The following FCRL4 variants were observed in gnomAD, a reference collection of about 807,000 sequenced individuals.
FCRL4 encodes Fc receptor-like protein 4.
Under a neutral mutation model 64.1 loss-of-function variants are expected in FCRL4, and 43 were observed. The observed-to-expected ratio is 0.67, with a 90% CI of 0.53 to 0.87. The LOEUF is 0.87. Ranked by LOEUF, FCRL4 falls within the 40% of genes least tolerant of loss-of-function variation. FCRL4 has a pLI of 0.00. For missense variants in FCRL4, 656 were observed against 613.5 expected, an observed-to-expected ratio of 1.07 and a Z score of -0.73; for synonymous variants, 253 against 239.8, an observed-to-expected ratio of 1.05 and a Z score of -0.51.
chr1:157,581,183 T>C (rs1417844917), intron 7 of FCRL4, among the ~76,000 whole-genome samples: 1 of 152,214 alleles, frequency 6.6e-6, no homozygotes, highest in Non-Finnish European at 1.5e-5. Context: ...TATGGTGGAT[T>C]TAGGATAGGC....
intron 10 of FCRL4, 113 bp downstream of exon 10, chr1:157,578,361 A>G: frequency 1.1e-6 from 1 of 872,892 alleles, no homozygotes; most frequent in East Asian, 2.5e-5. Context: ...TGCCTTGTTT[A>G]CTGATTGACT....
chr1:157,591,385 A>G (rs950371973), intron 2 of FCRL4, among the ~76,000 whole-genome samples: 1 of 152,218 alleles, frequency 6.6e-6, no homozygotes, highest in African/African-American at 2.4e-5. Flanking sequence ...CTTTAAACCT[A>G]ACATAGATAG....
chr1:157,575,367 G>A lies in FCRL4; in HGVS notation c.*157C>T, dbSNP rs1034911083. 1.3e-5 allele frequency: 8 copies of A among 632,436 alleles called. No individual in the cohort carries two copies. Among genetic ancestry groups the A allele is most frequent in the Non-Finnish European group, 2.0e-5 (7 of 353,146 alleles). 39.2% of individuals were successfully genotyped at this position (632,436 alleles called of 1,614,324 possible). A position where few individuals can be genotyped will look rare whatever the true frequency, so the allele number is the denominator to read the frequency against. The stretch of plus-strand genomic sequence containing the variant: ...ATTCCATCCCAACATCAGAGTAGAC[G>A]AATGAGTATTCCTGGGAGTGAATGC... On this transcript the variant is annotated 3_prime_UTR_variant, in exon 12 of 12. Transcript: ENST00000271532.
intron 1 of FCRL4, 146 bp downstream of exon 1, chr1:157,597,767 AG>A: frequency 3.4e-6 from 2 of 590,268 alleles, no homozygotes; most frequent in Non-Finnish European, 3.1e-6. Flanking sequence ...CCCTTCTACC[AG>A]TAAATCATTA....
At position 157,575,477 on chromosome 1, in the gene FCRL4, A is replaced by G. The variant is rs1043207065; in HGVS notation, c.*47T>C. ...CTGCACTGGGCCTGGGACTTTGGAC[A>G]AGGGAGAAATCACATGAGTAGGACG... On this transcript the variant is annotated 3_prime_UTR_variant, in exon 12 of 12. Coordinates refer to ENST00000271532, the MANE Select transcript of FCRL4 (RefSeq NM_031282.3). 3 of 1,456,010 alleles carry G rather than the reference A, an allele frequency of 2.1e-6. No individual in the cohort carries two copies. The African/African-American group carries it at 4.2e-5, about 20-fold the overall frequency. 90.2% of individuals were successfully genotyped at this position (1,456,010 alleles called of 1,614,324 possible). A position where few individuals can be genotyped will look rare whatever the true frequency, so the allele number is the denominator to read the frequency against.
At chr1:157,589,671 G>A (rs568482690) in intron 2 of FCRL4, among the ~76,000 whole-genome samples, 1 of 152,076 alleles carries the variant, frequency 6.6e-6, no homozygotes, top group African/African-American at 2.4e-5. Flanking sequence ...GCCTTTCAGA[G>A]GGGGGGCAGC....
chr1:157,585,414 C>CTT (rs1158806698), intron 6 of FCRL4, among the ~76,000 whole-genome samples: 1 of 114,390 alleles, frequency 8.7e-6, no homozygotes, highest in East Asian at 2.6e-4. Flanking sequence ...TTCTTTCTTT[C>CTT]TTTCTTTCCT....
chr1:157,586,306 C>A lies in FCRL4; in HGVS notation c.997G>T (p.Gly333Trp). The change falls in exon 6 of 12, where the codon GGG (glycine) becomes TGG (tryptophan). Residue 333 changes from glycine (G) to tryptophan (W), a missense_variant. Transcript: ENST00000271532. The part of the protein sequence containing the change: ...WHREDMQESL[G>W]RKTQRSLRAE... ...CTCAGGGAACGCTGAGTTTTCCTCC[C>A]CAGACTCTCCTGCATGTCCTCTCGG... 1 of 1,613,890 alleles carries A rather than the reference C, an allele frequency of 6.2e-7. No homozygotes were observed. Among genetic ancestry groups the A allele is most frequent in the Non-Finnish European group, 8.5e-7 (1 of 1,179,964 alleles).
At chr1:157,577,761 G>A (rs138960018) in intron 10 of FCRL4, among the ~76,000 whole-genome samples, 61 of 152,300 alleles carry the variant, frequency 4.0e-4, no homozygotes, top group African/African-American at 1.5e-3. Flanking sequence ...AGGCATATTT[G>A]TAAGATGAAA....
intron 3 of FCRL4, among the ~76,000 whole-genome samples, chr1:157,588,322 A>G (rs906094935): frequency 3.9e-5 from 6 of 152,220 alleles, no homozygotes; most frequent in Admixed American, 1.3e-4. Context: ...CTATTTTATC[A>G]TTCAAAGTCA....
At chr1:157,588,743 T>C (rs1253973726) in intron 3 of FCRL4, among the ~76,000 whole-genome samples, 1 of 152,196 alleles carries the variant, frequency 6.6e-6, no homozygotes, top group Admixed American at 6.5e-5. Context: ...GGAGGAGCTG[T>C]GGGAGCTTGA....
In FCRL4 at chr1:157,575,740, G is replaced by A; in HGVS notation, c.1430-10C>T. On this transcript the variant is annotated splice_polypyrimidine_tract_variant and intron_variant, in intron 10 of 11. Transcript: ENST00000271532. ...GTCCTGGAGGTATTAGCTGTGGACA[G>A]AAAGAGAATCACTGGACTATGGGCA... 2 of 1,613,518 alleles carry A rather than the reference G, an allele frequency of 1.2e-6. No individual in the cohort carries two copies. The highest frequency in any genetic ancestry group is 1.7e-6 in the Non-Finnish European group (2 of 1,179,574).
intron 2 of FCRL4, among the ~76,000 whole-genome samples, chr1:157,595,042 G>C (rs1422329790): frequency 6.6e-6 from 1 of 152,114 alleles, no homozygotes; most frequent in Non-Finnish European, 1.5e-5. Context: ...GGGATTACAG[G>C]CATGTGCCAC....
chr1:157,579,182 A>G (rs1464384321), intron 8 of FCRL4, among the ~76,000 whole-genome samples: 1 of 152,224 alleles, frequency 6.6e-6, no homozygotes, highest in Non-Finnish European at 1.5e-5. Flanking sequence ...AGCCTGGGCA[A>G]CATAGTGAGA....
intron 3 of FCRL4, 138 bp downstream of exon 3, chr1:157,589,066 G>T: frequency 3.1e-6 from 3 of 953,004 alleles, no homozygotes; most frequent in Non-Finnish European, 4.7e-6. Flanking sequence ...TGTAGACATT[G>T]GAGGGAAAAT....
At chr1:157,582,904 C>A (rs572464703) in intron 6 of FCRL4, among the ~76,000 whole-genome samples, 50 of 152,282 alleles carry the variant, frequency 3.3e-4, no homozygotes, top group Admixed American at 8.5e-4. Flanking sequence ...CTGGGGCATC[C>A]GCCGGTGCAA....
chr1:157,586,598 AG>A, intron 5 of FCRL4, 143 bp from the exon 6 acceptor site: 1 of 681,792 alleles, frequency 1.5e-6, no homozygotes, highest in Non-Finnish European at 2.5e-6. Flanking sequence ...AATAGACCAC[AG>A]ATTTAGCGCT....
chr1:157,580,440 A>G (rs1258241843), intron 7 of FCRL4, 92 bp from the exon 8 acceptor site: 3 of 1,354,698 alleles, frequency 2.2e-6, no homozygotes, highest in East Asian at 2.3e-5. Context: ...AGAGGTAATC[A>G]AGACAGTCAA....
chr1:157,583,765 C>T (rs975821523), intron 6 of FCRL4, among the ~76,000 whole-genome samples: 1 of 152,210 alleles, frequency 6.6e-6, no homozygotes, highest in African/African-American at 2.4e-5. Flanking sequence ...GACAGCCCAC[C>T]TTAGCCCAGT....
Sources: gnomAD v4.1 joint callset for allele counts (sites outside exome capture counted in the v4.1 genomes callset) on GRCh38, gnomAD v4.1.1 for gene constraint, MANE v1.5 for transcripts, NCBI Gene and HGNC (gene_info 2026-07-23, HGNC 2026-07-21) for gene names.